The following TRIM71 variants were observed in gnomAD, a reference collection of about 807,000 sequenced individuals.
TRIM71 encodes E3 ubiquitin-protein ligase TRIM71.
TRIM71 carries 9 observed loss-of-function variants against 61.2 expected under a neutral mutation model. The observed-to-expected ratio is 0.15, with a 90% CI of 0.09 to 0.26. The LOEUF (loss-of-function observed/expected upper bound fraction) is 0.26, where lower values mean the gene tolerates loss of function less well. Among genes scored for constraint, TRIM71 ranks in the 10% least tolerant of loss-of-function variants. TRIM71 has a pLI of 1.00. For missense variants in TRIM71, 998 were observed against 1,238.7 expected, an observed-to-expected ratio of 0.81 and a Z score of 2.92; for synonymous variants, 645 against 553.2, an observed-to-expected ratio of 1.17 and a Z score of -2.33.
At chr3:32,864,663 A>C (rs1189325446) in intron 1 of TRIM71, among the ~76,000 whole-genome samples, 1 of 152,138 alleles carries the variant, frequency 6.6e-6, no homozygotes, top group Non-Finnish European at 1.5e-5. Context: ...GCAGAGCATG[A>C]GTGTCTGCCG....
At chr3:32,862,234 A>C (rs180936172) in intron 1 of TRIM71, among the ~76,000 whole-genome samples, 1 of 152,332 alleles carries the variant, frequency 6.6e-6, no homozygotes, top group East Asian at 1.9e-4. Flanking sequence ...GAACTTGCAG[A>C]GAGGAGGGAA....
chr3:32,891,338 G>A lies in TRIM71; in HGVS notation c.2134G>A (p.Gly712Ser), dbSNP rs748539240. 6.2e-7 allele frequency: 1 copy of A among 1,614,144 alleles called. No individual in the cohort carries two copies. Among genetic ancestry groups the A allele is most frequent in the Non-Finnish European group, 8.5e-7 (1 of 1,180,022 alleles). ...TTGGGATGTGGCGGTGAATTCTGAG[G>A]GCAAGATCCTGGTCTCAGACACGAG... The part of the protein sequence containing the change: ...YPWDVAVNSE[G>S]KILVSDTRNH... The change falls in exon 4 of 4, where the codon GGC becomes AGC. Residue 712 changes from glycine to serine, a missense_variant. Gly to Ser is a moderately conservative substitution (Grantham distance 56, BLOSUM62 0). Coordinates refer to ENST00000383763, the MANE Select transcript of TRIM71 (RefSeq NM_001039111.3). This position sits in a 1 kb window ranked among gnomAD's most constrained non-coding sequence, Gnocchi z 8.2.
intron 1 of TRIM71, among the ~76,000 whole-genome samples, chr3:32,837,099 AAAACAAC>A (rs1454753354): frequency 3.6e-5 from 5 of 140,330 alleles, no homozygotes; most frequent in Admixed American, 3.5e-4. Flanking sequence ...GATTAAGAAA[AAAACAAC>A]AACTTGCCAG....
chr3:32,870,159 G>A (rs1235375076), intron 1 of TRIM71, among the ~76,000 whole-genome samples: 1 of 152,146 alleles, frequency 6.6e-6, no homozygotes, highest in Non-Finnish European at 1.5e-5. Flanking sequence ...TTCAAATTGT[G>A]GTTAGATGAG....
rs1426012421 is a variant in TRIM71, at chr3:32,897,221, G to C, written c.*5410G>C. On this transcript the variant is annotated 3_prime_UTR_variant, in exon 4 of 4. Transcript: ENST00000383763. ...TTTTTTTTTTTAAATAAACAATTGG[G>C]GGAATTAATGTGGGCAAGTTGCCTT... 6.6e-6 allele frequency: 1 copy of C among 151,930 alleles called. No homozygotes were observed. The highest frequency in any genetic ancestry group is 1.5e-5 in the Non-Finnish European group (1 of 67,998). 9.4% of individuals were successfully genotyped at this position (151,930 alleles called of 1,614,324 possible).
intron 1 of TRIM71, among the ~76,000 whole-genome samples, chr3:32,854,161 T>A (rs906085604): frequency 2.0e-5 from 3 of 152,184 alleles, no homozygotes; most frequent in East Asian, 1.9e-4. Context: ...GCTAATTTTT[T>A]AAATTTTTTT....
At chr3:32,847,285 G>A (rs747693861) in intron 1 of TRIM71, among the ~76,000 whole-genome samples, 11 of 149,216 alleles carry the variant, frequency 7.4e-5, no homozygotes, top group Admixed American at 3.4e-4. Context: ...CAACCTCCGC[G>A]TCCCGGGTCC....
Position 32,890,428 on chromosome 3 carries a change from C to T in TRIM71, c.1224C>T (p.Leu408=), listed in dbSNP as rs1430534333. The T allele has an allele frequency of 1.9e-6, 3 of 1,614,144 alleles. No individual in the cohort carries two copies. The highest frequency in any genetic ancestry group is 2.5e-6 in the Non-Finnish European group (3 of 1,179,988). ...YLQVEKLRQN[L]NKLESTISAV... is the part of the protein sequence containing the mutation. ...AGGTGGAGAAGCTGCGGCAAAACCT[C>T]AACAAGCTTGAGAGCACCATCAGTG... The change falls in exon 4 of 4, where the codon CTC becomes CTT. Residue 408 remains leucine (L), a synonymous_variant. Coordinates refer to ENST00000383763, the MANE Select transcript of TRIM71 (RefSeq NM_001039111.3). The surrounding 1 kb of genome is among the most constrained non-coding windows in gnomAD (Gnocchi z 6.2).
chr3:32,827,488 C>A (rs1454119953), intron 1 of TRIM71, among the ~76,000 whole-genome samples: 1 of 151,994 alleles, frequency 6.6e-6, no homozygotes, highest in Non-Finnish European at 1.5e-5. Flanking sequence ...TCTCGAACTC[C>A]TGACCTCAGG....
intron 1 of TRIM71, among the ~76,000 whole-genome samples, chr3:32,849,478 C>T (rs1696514479): frequency 6.6e-6 from 1 of 152,172 alleles, no homozygotes; most frequent in African/African-American, 2.4e-5. Flanking sequence ...CCTGCCTCAG[C>T]TTCCCCAGTA....
At chr3:32,863,661 G>T (rs1354074135) in intron 1 of TRIM71, among the ~76,000 whole-genome samples, 2 of 152,000 alleles carry the variant, frequency 1.3e-5, no homozygotes, top group African/African-American at 2.4e-5. Flanking sequence ...CTTCTTGTAT[G>T]TAGGTATATT....
At position 32,818,844 on chromosome 3, in the gene TRIM71, G is replaced by T. The variant is rs1354220201; in HGVS notation, c.764G>T (p.Gly255Val). ...PGAAAAAQQLGLGPPFPGPPF... is the reference protein window; with the variant it reads ...PGAAAAAQQLVLGPPFPGPPF... ...GCCGCAGCAGCGGCGCAGCAGCTCG[G>T]GCTCGGGCCGCCCTTTCCCGGCCCG... is the stretch of plus-strand genomic sequence containing the variant. The change falls in exon 1 of 4, where the codon GGG (glycine) becomes GTG (valine). Residue 255 changes from glycine (G) to valine (V), a missense_variant. Transcript: ENST00000383763. 8.1e-6 allele frequency: 13 copies of T among 1,612,082 alleles called. No individual in the cohort carries two copies. Among genetic ancestry groups the T allele is most frequent in the Non-Finnish European group, 1.1e-5 (13 of 1,179,634 alleles).
chr3:32,845,367 GA>G, intron 1 of TRIM71, among the ~76,000 whole-genome samples: 1 of 152,310 alleles, frequency 6.6e-6, no homozygotes, highest in East Asian at 1.9e-4. Context: ...CAAAAAGGAT[GA>G]AAGAGAAGAA....
At chr3:32,873,076 C>CCTCT (rs1696814688) in intron 1 of TRIM71, among the ~76,000 whole-genome samples, 1 of 139,090 alleles carries the variant, frequency 7.2e-6, no homozygotes, top group Non-Finnish European at 1.6e-5. Flanking sequence ...TCCCTCCCTC[C>CCTCT]CTCCCTCCCT....
rs10522411 is a variant in TRIM71, at chr3:32,864,845, GGTGTGTGTGTGTGTGTGTGTGT to G, written c.853-8946_853-8925del. 2.9e-3 allele frequency among the ~76,000 whole-genome samples: 426 copies of G among 146,442 alleles called. 1 individual carries two copies. Among genetic ancestry groups the G allele is most frequent in the African/African-American group, 9.4e-3 (372 of 39,450 alleles). On this transcript the variant is annotated intron_variant, in intron 1 of 3. Coordinates refer to ENST00000383763, the MANE Select transcript of TRIM71 (RefSeq NM_001039111.3). ...ATGATTATACTTTTAAAAATTAAGT[GGTGTGTGTGTGTGTGTGTGTGT>G]GTGTGTGTGTGTGTGTGTGTGTGTG...
In TRIM71 at chr3:32,873,813, C is replaced by T. The variant is rs766531189; in HGVS notation, c.853-5C>T. The stretch of plus-strand genomic sequence containing the variant: ...ATTTATGCCTGTACCCTCTCTTGTC[C>T]CCAGGTGCTGCACCTGTACTGTGAC... On this transcript the variant is annotated splice_region_variant and splice_polypyrimidine_tract_variant and intron_variant, in intron 1 of 3. Coordinates refer to ENST00000383763, the MANE Select transcript of TRIM71 (RefSeq NM_001039111.3). The T allele has an allele frequency of 3.7e-5, 58 of 1,557,872 alleles. 1 individual carries two copies. The South Asian group carries it at 6.6e-4, about 18-fold the overall frequency.
At chr3:32,834,111 T>C (rs1449110532) in intron 1 of TRIM71, among the ~76,000 whole-genome samples, 1 of 152,176 alleles carries the variant, frequency 6.6e-6, no homozygotes, top group Non-Finnish European at 1.5e-5. Flanking sequence ...CTGACCCAAA[T>C]ATTTGGAGCT....
rs76332278 is a variant in TRIM71, at chr3:32,876,743, C to T, written c.1020+2758C>T. On this transcript the variant is annotated intron_variant, in intron 2 of 3. Coordinates refer to ENST00000383763, the MANE Select transcript of TRIM71 (RefSeq NM_001039111.3). ...GCTCTCTGTGCTTAGTGGGAAAAGCCACCATGGGGGAGAAAAAATGAGTTG... is the reference window on the plus strand; with the variant it reads ...GCTCTCTGTGCTTAGTGGGAAAAGCTACCATGGGGGAGAAAAAATGAGTTG... Among the ~76,000 whole-genome samples, 2,513 of 152,136 alleles carry T rather than the reference C, an allele frequency of 0.017. 166 individuals carry two copies. In the East Asian group the frequency reaches 0.24, roughly 14 times the overall value.
intron 1 of TRIM71, among the ~76,000 whole-genome samples, chr3:32,857,593 A>C (rs75987278): frequency 3.7e-3 from 561 of 152,340 alleles, no homozygotes; most frequent in Non-Finnish European, 6.5e-3. Context: ...CAATTAATAC[A>C]TGTATTATGT....
Sources: allele counts gnomAD v4.1 joint callset (sites outside exome capture counted in the v4.1 genomes callset), GRCh38; gene constraint gnomAD v4.1.1; non-coding constraint Gnocchi (gnomAD v3.1); transcripts MANE v1.5; gene names NCBI Gene and HGNC (gene_info 2026-07-23, HGNC 2026-07-21).